Variants in SCN7A observed in about 807,000 individuals in gnomAD.
SCN7A encodes sodium channel protein type 7 subunit alpha.
SCN7A carries 138 observed loss-of-function variants against 155.2 expected under a neutral mutation model. That is an observed-to-expected ratio of 0.89 (90% CI 0.77 to 1.02). SCN7A has a LOEUF of 1.02. Ranked by LOEUF, SCN7A falls within the 50% of genes least tolerant of loss-of-function variation. The pLI, the probability that SCN7A is intolerant of heterozygous loss-of-function variation, is 0.00. For missense variants in SCN7A, 2,058 were observed against 1,986.6 expected (o/e 1.04, Z -0.68); for synonymous variants, 693 against 649.0 (o/e 1.07, Z -1.03).
rs140798776 is a variant in SCN7A, at chr2:166,443,483, A to T, written c.1800+20T>A. The T allele has an allele frequency of 6.9e-5, 108 of 1,562,362 alleles. No homozygotes were observed. The African/African-American group carries it at 1.3e-3, about 19-fold the overall frequency. ...GATAAACTTTGATCAAATAAAAGTT[A>T]GGTATTGGATTCTACTTACCATCCT... On this transcript the variant is annotated intron_variant, in intron 14 of 25. Coordinates refer to ENST00000643258, the MANE Select transcript of SCN7A (RefSeq NM_002976.4).
At chr2:166,490,865 C>T (rs2105546922) in intron 1 of SCN7A, among the ~76,000 whole-genome samples, 1 of 152,332 alleles carries the variant, frequency 6.6e-6, no homozygotes, top group East Asian at 1.9e-4. Flanking sequence ...ATATAGATGT[C>T]CATCCCCTTC....
At chr2:166,413,552 GAACTA>G (rs1701248960) in intron 21 of SCN7A, among the ~76,000 whole-genome samples, 1 of 151,990 alleles carries the variant, frequency 6.6e-6, no homozygotes, top group South Asian at 2.1e-4. Context: ...GACTTGGGTT[GAACTA>G]AAGAATTATT....
intron 21 of SCN7A, among the ~76,000 whole-genome samples, chr2:166,415,680 A>G (rs1701360661): frequency 1.3e-5 from 2 of 152,118 alleles, no homozygotes; most frequent in African/African-American, 4.8e-5. Flanking sequence ...ATACTTTCTT[A>G]TGACTGTCTT....
chr2:166,429,265 G>A lies in SCN7A; in HGVS notation c.2602C>T (p.Gln868Ter). 6.6e-7 allele frequency: 1 copy of A among 1,525,916 alleles called. No homozygotes were observed. The highest frequency in any genetic ancestry group is 8.8e-7 in the Non-Finnish European group (1 of 1,134,900). The allele number at this position is 1,525,916 out of a possible 1,614,324, so 94.5% of individuals were successfully genotyped here. ...GDGGSKEKIKQSSSSECSTVD... is the reference protein window; with the variant it reads ...GDGGSKEKIK ...GTACTGCATTCAGATGAGCTAGATT[G>A]CTTTATTTTCTAAAAGGTGAAGTCC... Residue 868 changes from glutamine to a stop codon, truncating the protein, a stop_gained, in exon 17 of 26, where the codon CAA becomes TAA. Transcript: ENST00000643258. LOFTEE classifies it high-confidence loss of function.
intron 21 of SCN7A, among the ~76,000 whole-genome samples, chr2:166,414,001 AT>A (rs1701264435): frequency 2.1e-5 from 2 of 95,352 alleles, no homozygotes; most frequent in East Asian, 2.5e-4. Flanking sequence ...ATATATATAT[AT>A]AAATATACTA....
In SCN7A at chr2:166,441,654, C is replaced by T; in HGVS notation, c.1899G>A (p.Leu633=). 6.2e-7 allele frequency: 1 copy of T among 1,613,838 alleles called. No homozygotes were observed. Among genetic ancestry groups the T allele is most frequent in the Non-Finnish European group, 8.5e-7 (1 of 1,179,770 alleles). Reference sequence around the variant, plus strand: ...CAGAAAAGAAGATGAATGTGAACAACAACAGGACCAAGTCTTTCAGGGCCA... The same window carrying T: ...CAGAAAAGAAGATGAATGTGAACAATAACAGGACCAAGTCTTTCAGGGCCA... ...SWVALKDLVL[L]LFTFIFFSAA... Residue 633 remains leucine, a synonymous_variant, in exon 15 of 26, where the codon TTG becomes TTA. Transcript: ENST00000643258.
intron 17 of SCN7A, 143 bp downstream of exon 17, chr2:166,429,026 G>A (rs1350983145): frequency 3.5e-5 from 19 of 537,550 alleles, no homozygotes; most frequent in Non-Finnish European, 5.1e-5. Flanking sequence ...AGTTGTAATG[G>A]TGACACTTGT....
At chr2:166,440,396 T>C (rs1701934731) in intron 15 of SCN7A, among the ~76,000 whole-genome samples, 1 of 152,158 alleles carries the variant, frequency 6.6e-6, no homozygotes, top group African/African-American at 2.4e-5. Flanking sequence ...ACAATGTAGA[T>C]TACGCTTGCA....
intron 9 of SCN7A, 38 bp from the exon 10 acceptor site, chr2:166,462,568 G>A (rs752812179): frequency 6.3e-7 from 1 of 1,595,464 alleles, no homozygotes. Context: ...TTACTATTAG[G>A]TGACTATCAG....
intron 1 of SCN7A, among the ~76,000 whole-genome samples, chr2:166,492,289 T>C (rs1487093740): frequency 1.3e-5 from 2 of 152,114 alleles, no homozygotes; most frequent in African/African-American, 2.4e-5. Flanking sequence ...ACTTTAAACA[T>C]ATCCATGGGA....
At chr2:166,420,332 T>C (rs191342814) in intron 20 of SCN7A, among the ~76,000 whole-genome samples, 34 of 152,146 alleles carry the variant, frequency 2.2e-4, no homozygotes, top group Admixed American at 2.0e-3. Context: ...ACCATAGCAA[T>C]GAATATGTGA....
Position 166,465,985 on chromosome 2 carries a change from G to A in SCN7A, c.667C>T (p.Leu223=), listed in dbSNP as rs1442768687. Residue 223 remains leucine, a splice_region_variant and synonymous_variant, in exon 8 of 26, where the codon CTG becomes TTG. Transcript: ENST00000643258. The part of the protein sequence containing the change: ...ILKIIPLNQG[L]KSLVGVLIHC... ...ATCAGGACCCCTACAAGGGATTTCAGACCTGGAAAGAGAAACATTTGTTTT... is the reference window on the plus strand; with the variant it reads ...ATCAGGACCCCTACAAGGGATTTCAAACCTGGAAAGAGAAACATTTGTTTT... 2 of 1,603,570 alleles carry A rather than the reference G, an allele frequency of 1.2e-6. No homozygotes were observed. The highest frequency in any genetic ancestry group is 1.7e-6 in the Non-Finnish European group (2 of 1,174,298).
rs1701065713 is a variant in SCN7A at position 166,406,104 on chromosome 2, T to G, written c.4525A>C (p.Thr1509Pro). 3 of 1,612,034 alleles carry G rather than the reference T, an allele frequency of 1.9e-6. No individual in the cohort carries two copies. The highest frequency in any genetic ancestry group is 1.7e-6 in the Non-Finnish European group (2 of 1,178,910). ...LNIASKKKNK[T>P]LSEDDFRKFF... ...TTCCTAAAATCATCTTCACTCAAGG[T>G]CTTGTTTTTCTTCTTAGAAGCAATA... Residue 1509 changes from threonine to proline, a missense_variant, in exon 26 of 26, where the codon ACC (threonine) becomes CCC (proline). By Grantham distance (38) the Thr-to-Pro change is conservative (BLOSUM62 -1). Coordinates refer to ENST00000643258, the MANE Select transcript of SCN7A (RefSeq NM_002976.4).
At chr2:166,453,177 T>G (rs1702208900) in intron 11 of SCN7A, among the ~76,000 whole-genome samples, 1 of 152,204 alleles carries the variant, frequency 6.6e-6, no homozygotes, top group Admixed American at 6.5e-5. Flanking sequence ...CTCAGTTTTC[T>G]TATGTGAAAT....
chr2:166,411,833 G>C (rs1196641028), intron 23 of SCN7A, among the ~76,000 whole-genome samples: 1 of 152,074 alleles, frequency 6.6e-6, no homozygotes, highest in Non-Finnish European at 1.5e-5. Context: ...CATGGCTAAA[G>C]TTTGATTACA....
At position 166,416,576 on chromosome 2, in the gene SCN7A, T is replaced by A. The variant is rs567896740; in HGVS notation, c.3414+131A>T. The A allele has an allele frequency of 1.5e-5, 12 of 775,292 alleles. No homozygotes were observed. The South Asian group carries it at 2.4e-4, about 15-fold the overall frequency. 48.0% of individuals were successfully genotyped at this position (775,292 alleles called of 1,614,324 possible). On this transcript the variant is annotated intron_variant, in intron 21 of 25. Transcript: ENST00000643258. ...GTTCCCCCGATAGTTGTATGTCCCA[T>A]TACATTTATCTACTAATTGCTAAAA...
intron 16 of SCN7A, among the ~76,000 whole-genome samples, chr2:166,430,697 G>C (rs1281016892): frequency 4.0e-5 from 6 of 151,670 alleles, no homozygotes; most frequent in African/African-American, 1.5e-4. Flanking sequence ...AAAAATACAA[G>C]TTACAAAACA....
Position 166,447,663 on chromosome 2 carries a change from T to C in SCN7A, c.1336A>G (p.Thr446Ala), listed in dbSNP as rs779123574. The change falls in exon 12 of 26, where the codon ACA becomes GCA. Residue 446 changes from threonine to alanine, a missense_variant. Thr to Ala is a moderately conservative substitution (Grantham distance 58). Coordinates refer to ENST00000643258, the MANE Select transcript of SCN7A (RefSeq NM_002976.4). ...IEMKKRSPIS[T>A]DTSLDVLEDA... ...TCCAACACATCCAATGATGTGTCTG[T>C]GGAAATTGGTGACCTTTTCTTCATT... 13 of 1,613,276 alleles carry C rather than the reference T, an allele frequency of 8.1e-6. No homozygotes were observed. The highest frequency in any genetic ancestry group is 8.5e-6 in the Non-Finnish European group (10 of 1,179,538).
chr2:166,439,078 T>TATATAC (rs1701902488), intron 15 of SCN7A, among the ~76,000 whole-genome samples: 2 of 146,916 alleles, frequency 1.4e-5, no homozygotes, highest in Non-Finnish European at 3.0e-5. Flanking sequence ...TATATATATA[T>TATATAC]AGCCTCAGTA....
Sources: allele counts gnomAD v4.1 joint callset (sites outside exome capture counted in the v4.1 genomes callset), GRCh38; gene constraint gnomAD v4.1.1; transcripts MANE v1.5; gene names NCBI Gene and HGNC (gene_info 2026-07-23, HGNC 2026-07-21).